Variants in PRIM2 observed in about 807,000 individuals in gnomAD.
The protein encoded by PRIM2 is DNA primase subunit 2.
A neutral mutation model predicts 67.3 loss-of-function variants in PRIM2; 39 were observed. That is an observed-to-expected ratio of 0.58 (90% confidence interval 0.45 to 0.76). The LOEUF is 0.76. PRIM2 is among the 30% of genes least tolerant of loss of function. The probability of loss-of-function intolerance (pLI) is 0.00; values close to 1 mark genes in which losing one functional copy is unlikely to be tolerated. For synonymous variants in PRIM2, 143 were observed against 198.7 expected (o/e 0.72, Z 2.36); for missense variants, 398 against 598.7 (o/e 0.66, Z 3.50).
intron 8 of PRIM2, among the ~76,000 whole-genome samples, chr6:57,519,921 CCT>C (rs1488984943): frequency 1.3e-5 from 2 of 152,160 alleles, no homozygotes; most frequent in African/African-American, 4.8e-5. Flanking sequence ...TCAGCCGGTC[CCT>C]CTGTTTGGGG....
chr6:57,292,618 A>G, the PRIM2 span, among the ~76,000 whole-genome samples: 1 of 152,366 alleles, frequency 6.6e-6, no homozygotes, highest in East Asian at 1.9e-4. Flanking sequence ...TACAGTAACC[A>G]AAACAGCATG....
At chr6:57,426,246 C>T (rs1581893353) in intron 7 of PRIM2, among the ~76,000 whole-genome samples, 1 of 152,152 alleles carries the variant, frequency 6.6e-6, no homozygotes, top group Non-Finnish European at 1.5e-5. Context: ...TCATTCATCT[C>T]AAACTCTCCG....
intron 5 of PRIM2, among the ~76,000 whole-genome samples, chr6:57,340,666 T>G (rs1159937461): frequency 6.6e-6 from 1 of 151,186 alleles, no homozygotes; most frequent in Non-Finnish European, 1.5e-5. Flanking sequence ...TGAGAACACA[T>G]GGACACAGCA....
At chr6:57,344,197 C>T (rs1339538120) in intron 5 of PRIM2, among the ~76,000 whole-genome samples, 1 of 150,884 alleles carries the variant, frequency 6.6e-6, no homozygotes, top group Non-Finnish European at 1.5e-5. Context: ...GATTGACAGT[C>T]CCAGGCAGGG....
chr6:57,337,698 C>T (rs932561543), intron 5 of PRIM2, among the ~76,000 whole-genome samples: 14 of 152,014 alleles, frequency 9.2e-5, no homozygotes, highest in African/African-American at 2.7e-4. Context: ...ATCTCTGGGA[C>T]GCATTCAAAG....
intron 7 of PRIM2, among the ~76,000 whole-genome samples, chr6:57,469,302 A>G: frequency 6.6e-6 from 1 of 152,332 alleles, no homozygotes; most frequent in East Asian, 1.9e-4. Context: ...AAATGGGAAA[A>G]TGTCATGCAA....
chr6:57,620,991 C>T (rs1386357774), intron 12 of PRIM2, among the ~76,000 whole-genome samples: 1 of 152,230 alleles, frequency 6.6e-6, no homozygotes, highest in African/African-American at 2.4e-5. Flanking sequence ...GCTGCCATGC[C>T]AGGCATTTTG....
At chr6:57,618,079 A>G (rs1329386612) in intron 12 of PRIM2, among the ~76,000 whole-genome samples, 1 of 152,112 alleles carries the variant, frequency 6.6e-6, no homozygotes, top group Non-Finnish European at 1.5e-5. Context: ...CTCAATTTCT[A>G]CTGTACTGGT....
chr6:57,334,443 A>G (rs1284657468), intron 5 of PRIM2, among the ~76,000 whole-genome samples: 1 of 152,210 alleles, frequency 6.6e-6, no homozygotes, highest in Non-Finnish European at 1.5e-5. Flanking sequence ...ATTTTGCTGG[A>G]ACATATGGTG....
At chr6:57,437,300 A>G (rs1177415169) in intron 7 of PRIM2, among the ~76,000 whole-genome samples, 1 of 152,238 alleles carries the variant, frequency 6.6e-6, no homozygotes, top group Non-Finnish European at 1.5e-5. Flanking sequence ...AATGGGGACT[A>G]CAGTTTGGCA....
intron 3 of PRIM2, among the ~76,000 whole-genome samples, chr6:57,321,786 T>C (rs1581787850): frequency 1.3e-5 from 2 of 152,222 alleles, no homozygotes; most frequent in African/African-American, 4.8e-5. Context: ...AGCAGTCTTA[T>C]GAGGTGGGTA....
At chr6:57,241,688 A>T in the PRIM2 span, among the ~76,000 whole-genome samples, 4,025 of 119,054 alleles carry the variant, frequency 0.034, 264 homozygotes, top group African/African-American at 0.12. Flanking sequence ...AGAACTATGT[A>T]TTTTTTTTTT....
the PRIM2 span, among the ~76,000 whole-genome samples, chr6:57,266,816 T>G: frequency 6.6e-6 from 1 of 152,222 alleles, no homozygotes; most frequent in Non-Finnish European, 1.5e-5. Flanking sequence ...CCGATCTCTT[T>G]TAGCTCAGTT....
rs12197119 is a variant in PRIM2, at chr6:57,416,941, T to A, written c.693+34773T>A. ...TAAAACTTTCTTTATATTGGTAATA[T>A]GGCTGCTTCACTTCACTTTCTTCTT... is the stretch of plus-strand genomic sequence containing the variant. On this transcript the variant is annotated intron_variant, in intron 7 of 13. Coordinates refer to ENST00000615550, the MANE Select transcript of PRIM2 (RefSeq NM_000947.5). Among the ~76,000 whole-genome samples the A allele has an allele frequency of 1.3e-3, 192 of 151,752 alleles. 5 individuals carry two copies. The East Asian group carries it at 0.016, about 13-fold the overall frequency.
At chr6:57,500,124 A>C (rs1478604903) in intron 7 of PRIM2, among the ~76,000 whole-genome samples, 4 of 152,140 alleles carry the variant, frequency 2.6e-5, no homozygotes, top group Non-Finnish European at 5.9e-5. Flanking sequence ...CTTCTCTGAT[A>C]GTCAGTTCTG....
chr6:57,450,299 C>A (rs1256698356), intron 7 of PRIM2, among the ~76,000 whole-genome samples: 1 of 152,086 alleles, frequency 6.6e-6, no homozygotes, highest in Non-Finnish European at 1.5e-5. Flanking sequence ...TACTCAGAAA[C>A]CTGTTGGAAA....
the PRIM2 span, among the ~76,000 whole-genome samples, chr6:57,229,060 T>G: frequency 4.9e-4 from 74 of 152,340 alleles, no homozygotes; most frequent in African/African-American, 1.8e-3. Context: ...GCTTTACTGC[T>G]CTGCAGTGTC....
At chr6:57,419,163 G>GT (rs1771379229) in intron 7 of PRIM2, among the ~76,000 whole-genome samples, 1 of 152,048 alleles carries the variant, frequency 6.6e-6, no homozygotes, top group South Asian at 2.1e-4. Context: ...TGAAGACCCA[G>GT]ACTGGAATGG....
chr6:57,444,739 G>C (rs5023906), intron 7 of PRIM2, among the ~76,000 whole-genome samples: 29 of 152,214 alleles, frequency 1.9e-4, no homozygotes, highest in Middle Eastern at 3.4e-3. Context: ...ATATATTTAC[G>C]AAGGTTATAA....
Sources: allele counts gnomAD v4.1 joint callset (sites outside exome capture counted in the v4.1 genomes callset), GRCh38; gene constraint gnomAD v4.1.1; transcripts MANE v1.5; gene names NCBI Gene and HGNC (gene_info 2026-07-23, HGNC 2026-07-21).